The following DYM variants were observed in gnomAD, a reference collection of about 807,000 sequenced individuals.
DYM encodes the protein dyggve-Melchior-Clausen syndrome protein.
DYM carries 78 observed loss-of-function variants against 93.1 expected under a neutral mutation model. That is an observed-to-expected ratio of 0.84 (90% confidence interval 0.70 to 1.01). DYM has a LOEUF of 1.01. DYM is among the 50% of genes least tolerant of loss of function. DYM has a pLI of 0.00. For missense variants in DYM, 789 were observed against 845.0 expected (o/e 0.93, Z 0.82); for synonymous variants, 321 against 319.7 (o/e 1.00, Z -0.04).
At chr18:49,209,482 T>C (rs973825352) in intron 14 of DYM, 69 bp downstream of exon 14, 3 of 1,004,298 alleles carry the variant, frequency 3.0e-6, no homozygotes, top group Non-Finnish European at 3.8e-6. Flanking sequence ...ACATGTCTTA[T>C]TAAAACATGC....
At chr18:49,073,223 C>G (rs954875048) in intron 17 of DYM, among the ~76,000 whole-genome samples, 1 of 152,134 alleles carries the variant, frequency 6.6e-6, no homozygotes, top group African/African-American at 2.4e-5. Context: ...AAATGAGTAT[C>G]TTTATGTTTA....
chr18:49,311,670 T>G (rs2061598519), intron 8 of DYM, among the ~76,000 whole-genome samples: 2 of 133,258 alleles, frequency 1.5e-5, no homozygotes, highest in South Asian at 4.5e-4. Context: ...AGGTGGGAAC[T>G]GAACAAGGAG....
intron 15 of DYM, among the ~76,000 whole-genome samples, chr18:49,144,915 A>G (rs1001542509): frequency 6.6e-6 from 1 of 151,208 alleles, no homozygotes; most frequent in Non-Finnish European, 1.5e-5. Context: ...TGGGCAACAC[A>G]GTGGGACCCT....
At chr18:49,358,055 T>G (rs1474316223) in intron 6 of DYM, among the ~76,000 whole-genome samples, 1 of 152,024 alleles carries the variant, frequency 6.6e-6, no homozygotes, top group Admixed American at 6.6e-5. Context: ...GAGTCTGAGA[T>G]GGGAGAATTG....
chr18:49,424,378 G>A (rs573775147), intron 2 of DYM, among the ~76,000 whole-genome samples: 2 of 151,828 alleles, frequency 1.3e-5, no homozygotes, highest in Admixed American at 6.6e-5. Context: ...CAATAAATTC[G>A]GTGTTGATGG....
intron 5 of DYM, among the ~76,000 whole-genome samples, chr18:49,368,898 A>C (rs1225343668): frequency 6.6e-6 from 1 of 152,182 alleles, no homozygotes; most frequent in Admixed American, 6.5e-5. Flanking sequence ...CAAATTTCCT[A>C]TCTTGTATCA....
rs1054032743 is a variant in DYM, at chr18:49,304,160, C to A, written c.764-17544G>T. ...GTTTTAGGTTCCCTGGTTAACCCTACACAATACAGAGATGCATGGACTGTT... is the reference window on the plus strand; with the variant it reads ...GTTTTAGGTTCCCTGGTTAACCCTAAACAATACAGAGATGCATGGACTGTT... On this transcript the variant is annotated intron_variant, in intron 8 of 17. Coordinates refer to ENST00000675505, the MANE Select transcript of DYM (RefSeq NM_001353214.3). 3.9e-5 allele frequency among the ~76,000 whole-genome samples: 6 copies of A among 152,330 alleles called. No individual in the cohort carries two copies. The East Asian group carries it at 1.2e-3, about 29-fold the overall frequency.
intron 14 of DYM, among the ~76,000 whole-genome samples, chr18:49,182,920 GTC>G (rs1322784042): frequency 1.3e-5 from 2 of 152,142 alleles, no homozygotes; most frequent in Non-Finnish European, 2.9e-5. Flanking sequence ...GGTAAATCCA[GTC>G]TCTGTTACTC....
intron 5 of DYM, chr18:49,368,764 T>C (rs1240222164): frequency 6.6e-6 from 1 of 152,214 alleles, no homozygotes; most frequent in African/African-American, 2.4e-5. Context: ...AAAACAAACA[T>C]GCCACAGGTT....
chr18:49,348,917 A>AAC (rs1178614670), intron 6 of DYM, among the ~76,000 whole-genome samples: 6 of 150,198 alleles, frequency 4.0e-5, no homozygotes, highest in Non-Finnish European at 7.4e-5. Context: ...CAAAAAAAAA[A>AAC]AAAAACCACA....
At chr18:49,371,780 G>GGCCGAGGC (rs2067067245) in intron 5 of DYM, among the ~76,000 whole-genome samples, 1 of 152,176 alleles carries the variant, frequency 6.6e-6, no homozygotes, top group African/African-American at 2.4e-5. Flanking sequence ...ACTAATGGAA[G>GGCCGAGGC]AGCTATCCTC....
chr18:49,401,282 C>G (rs1035945223), intron 2 of DYM, among the ~76,000 whole-genome samples: 6 of 152,182 alleles, frequency 3.9e-5, no homozygotes, highest in Admixed American at 1.3e-4. Flanking sequence ...ATCCAATGAC[C>G]AGGTGTGACT....
intron 14 of DYM, among the ~76,000 whole-genome samples, chr18:49,178,957 G>A (rs1270156813): frequency 2.7e-5 from 4 of 150,398 alleles, no homozygotes; most frequent in Admixed American, 2.7e-4. Flanking sequence ...TTCATGCTTC[G>A]TGCTCCCTCT....
chr18:49,161,266 C>G (rs2087085320), intron 15 of DYM, among the ~76,000 whole-genome samples: 1 of 152,106 alleles, frequency 6.6e-6, no homozygotes, highest in African/African-American at 2.4e-5. Flanking sequence ...AGGACTGTTA[C>G]AAATTCAAAT....
intron 17 of DYM, among the ~76,000 whole-genome samples, chr18:49,055,891 TG>T (rs2075429531): frequency 6.6e-6 from 1 of 152,182 alleles, no homozygotes; most frequent in African/African-American, 2.4e-5. Flanking sequence ...GGAAATATCC[TG>T]GGAGGGCTCA....
At chr18:49,328,248 G>C (rs1334526365) in intron 8 of DYM, among the ~76,000 whole-genome samples, 5 of 152,190 alleles carry the variant, frequency 3.3e-5, no homozygotes, top group Non-Finnish European at 7.3e-5. Context: ...ATGTACATAA[G>C]TTACTACAAA....
At chr18:49,065,518 A>G (rs1316820066) in intron 17 of DYM, among the ~76,000 whole-genome samples, 1 of 152,102 alleles carries the variant, frequency 6.6e-6, no homozygotes, top group Non-Finnish European at 1.5e-5. Flanking sequence ...ATGCACCACC[A>G]TGCCTGGCTA....
intron 2 of DYM, among the ~76,000 whole-genome samples, chr18:49,428,542 A>G (rs879551755): frequency 2.6e-5 from 4 of 152,108 alleles, no homozygotes; most frequent in Non-Finnish European, 4.4e-5. Context: ...AAAATTAGCC[A>G]TGCATGAAGG....
At chr18:49,266,667 GTTCTAA>G (rs1333523940) in intron 11 of DYM, among the ~76,000 whole-genome samples, 4 of 152,156 alleles carry the variant, frequency 2.6e-5, no homozygotes, top group South Asian at 2.1e-4. Context: ...AATGTTAATA[GTTCTAA>G]TTCTAGTTAA....
Sources: allele counts gnomAD v4.1 joint callset (sites outside exome capture counted in the v4.1 genomes callset), GRCh38; gene constraint gnomAD v4.1.1; transcripts MANE v1.5; gene names NCBI Gene and HGNC (gene_info 2026-07-23, HGNC 2026-07-21).